The following EXT1 variants were observed in gnomAD, a reference collection of about 807,000 sequenced individuals.
EXT1 encodes exostosin-1.
EXT1 carries 20 observed loss-of-function variants against 82.5 expected under a neutral mutation model. The ratio of observed to expected loss-of-function variants is 0.24; its 90% CI spans 0.17 to 0.35. The LOEUF (loss-of-function observed/expected upper bound fraction) is 0.35, where lower values mean the gene tolerates loss of function less well. EXT1 is among the 10% of genes least tolerant of loss of function. The pLI, the probability that EXT1 is intolerant of heterozygous loss-of-function variation, is 1.00. For synonymous variants in EXT1, 348 were observed against 350.8 expected, an observed-to-expected ratio of 0.99 and a Z score of 0.09; for missense variants, 757 against 936.5, an observed-to-expected ratio of 0.81 and a Z score of 2.50.
chr8:118,108,374 C>A (rs1031969385), intron 1 of EXT1, among the ~76,000 whole-genome samples: 2 of 152,146 alleles, frequency 1.3e-5, no homozygotes, highest in Non-Finnish European at 2.9e-5. Context: ...GACTTCATCT[C>A]GAGTTACTCC....
intron 1 of EXT1, among the ~76,000 whole-genome samples, chr8:117,875,845 C>T (rs1250140634): frequency 6.6e-6 from 1 of 152,156 alleles, no homozygotes; most frequent in Admixed American, 6.5e-5. Context: ...CCCATGCAAG[C>T]AGTGGGCAGT....
At chr8:117,932,561 G>A (rs140339005) in intron 1 of EXT1, among the ~76,000 whole-genome samples, 194 of 152,144 alleles carry the variant, frequency 1.3e-3, no homozygotes, top group African/African-American at 3.5e-3. Flanking sequence ...CGCTCACCAG[G>A]GTTCTTGGGT....
rs2129753468 is a variant in EXT1, at chr8:117,976,040, A to C, written c.962+134045T>G. Among the ~76,000 whole-genome samples, 4 of 152,378 alleles carry C rather than the reference A, an allele frequency of 2.6e-5. No homozygotes were observed. The South Asian group carries it at 8.3e-4, about 32-fold the overall frequency. On this transcript the variant is annotated intron_variant, in intron 1 of 10. Coordinates refer to ENST00000378204, the MANE Select transcript of EXT1 (RefSeq NM_000127.3). ...TTTAACAAGAAAACATAACTGAATTAGTCTTCAAAATGACATTGGTAACTT... is the reference window on the plus strand; with the variant it reads ...TTTAACAAGAAAACATAACTGAATTCGTCTTCAAAATGACATTGGTAACTT...
rs1823128768 is a variant in EXT1, at chr8:117,799,295, A to T, written c.*417T>A. ...AGCTTTTGAAACTGCAGGGCACCCT[A>T]CATGGCCATGACAATGATGTCTGTG... On this transcript the variant is annotated 3_prime_UTR_variant, in exon 11 of 11. Coordinates refer to ENST00000378204, the MANE Select transcript of EXT1 (RefSeq NM_000127.3). 1 of 223,278 alleles carries T rather than the reference A, an allele frequency of 4.5e-6. No individual in the cohort carries two copies. The highest frequency in any genetic ancestry group is 9.1e-6 in the Non-Finnish European group (1 of 109,812). The allele number at this position is 223,278 out of a possible 1,614,324, so 13.8% of individuals were successfully genotyped here. A position where few individuals can be genotyped will look rare whatever the true frequency, so the allele number is the denominator to read the frequency against.
At chr8:118,066,442 C>T (rs574891137) in intron 1 of EXT1, among the ~76,000 whole-genome samples, 34 of 151,784 alleles carry the variant, frequency 2.2e-4, no homozygotes, top group Middle Eastern at 6.8e-3. Context: ...CTCAAGTAGC[C>T]TCCGCCTCCC....
chr8:117,862,181 T>C (rs1563583476), intron 1 of EXT1, among the ~76,000 whole-genome samples: 2 of 145,182 alleles, frequency 1.4e-5, no homozygotes, highest in African/African-American at 4.9e-5. Flanking sequence ...TGTTAAAGAG[T>C]CTGAATGGAC....
intron 1 of EXT1, among the ~76,000 whole-genome samples, chr8:118,008,850 T>C (rs1780827586): frequency 6.6e-6 from 1 of 152,200 alleles, no homozygotes; most frequent in Non-Finnish European, 1.5e-5. Flanking sequence ...CACAGAGTTT[T>C]TTAAAGAATG....
intron 1 of EXT1, among the ~76,000 whole-genome samples, chr8:117,977,247 C>T (rs1031843533): frequency 3.9e-5 from 6 of 151,916 alleles, no homozygotes; most frequent in East Asian, 3.9e-4. Flanking sequence ...ATTAGCTGAG[C>T]GTGGTGGCGG....
chr8:117,975,013 T>C (rs1586319320), intron 1 of EXT1, among the ~76,000 whole-genome samples: 1 of 152,242 alleles, frequency 6.6e-6, no homozygotes, highest in East Asian at 1.9e-4. Flanking sequence ...AAGCCAAGTC[T>C]TTGGGAACCT....
chr8:117,940,319 G>A (rs112332772), intron 1 of EXT1, among the ~76,000 whole-genome samples: 23 of 152,318 alleles, frequency 1.5e-4, no homozygotes, highest in Non-Finnish European at 2.9e-4. Flanking sequence ...GAAAATGCTG[G>A]CACAGGGAAC....
intron 1 of EXT1, among the ~76,000 whole-genome samples, chr8:118,001,896 G>A (rs1815674633): frequency 6.6e-6 from 1 of 152,124 alleles, no homozygotes; most frequent in Admixed American, 6.6e-5. Context: ...AATCCCATTG[G>A]CCAATTTCAT....
intron 1 of EXT1, among the ~76,000 whole-genome samples, chr8:117,958,643 TAG>T (rs750426697): frequency 7.3e-4 from 111 of 152,200 alleles, no homozygotes; most frequent in Non-Finnish European, 3.1e-4. Flanking sequence ...AATAGTGAAC[TAG>T]AGTCTAAAAA....
At chr8:117,863,776 C>CGCAG (rs1358619768) in intron 1 of EXT1, among the ~76,000 whole-genome samples, 2 of 152,104 alleles carry the variant, frequency 1.3e-5, no homozygotes. Context: ...ATGTCAGCAA[C>CGCAG]GCAGGGTGAG....
chr8:118,035,371 A>G (rs1306847481), intron 1 of EXT1, among the ~76,000 whole-genome samples: 1 of 152,208 alleles, frequency 6.6e-6, no homozygotes, highest in East Asian at 1.9e-4. Context: ...CCCTCTTGGA[A>G]TCTGCCACAA....
intron 1 of EXT1, among the ~76,000 whole-genome samples, chr8:117,839,938 G>A (rs1214425661): frequency 6.6e-6 from 1 of 152,166 alleles, no homozygotes; most frequent in African/African-American, 2.4e-5. Flanking sequence ...GATGAGATGA[G>A]AATTTAAGAT....
At chr8:117,875,215 G>A (rs755812138) in intron 1 of EXT1, among the ~76,000 whole-genome samples, 6 of 152,088 alleles carry the variant, frequency 3.9e-5, no homozygotes, top group Admixed American at 3.3e-4. Context: ...TCAGGAGTTC[G>A]AGACCAGCCT....
At chr8:117,937,515 G>C (rs1363029966) in intron 1 of EXT1, among the ~76,000 whole-genome samples, 1 of 152,156 alleles carries the variant, frequency 6.6e-6, no homozygotes. Flanking sequence ...CCCCCTCCCT[G>C]TTGCTTAACT....
intron 1 of EXT1, among the ~76,000 whole-genome samples, chr8:117,953,223 GATATACATAT>G (rs141798463): frequency 0.021 from 3,181 of 152,132 alleles, 37 homozygotes; most frequent in Middle Eastern, 0.041. Context: ...TAGATAGATA[GATATACATAT>G]ATATACATAT....
intron 1 of EXT1, among the ~76,000 whole-genome samples, chr8:118,003,964 G>A (rs1815725485): frequency 6.6e-6 from 1 of 152,186 alleles, no homozygotes; most frequent in Non-Finnish European, 1.5e-5. Flanking sequence ...ATTTTTTCAT[G>A]AAATTGTGAA....
Sources: allele counts gnomAD v4.1 joint callset (sites outside exome capture counted in the v4.1 genomes callset), GRCh38; gene constraint gnomAD v4.1.1; transcripts MANE v1.5; gene names NCBI Gene and HGNC (gene_info 2026-07-23, HGNC 2026-07-21).